The following KCNMB4 variants were observed in gnomAD, a reference collection of about 807,000 sequenced individuals.
KCNMB4 encodes calcium-activated potassium channel subunit beta-4.
KCNMB4 carries 3 observed loss-of-function variants against 20.7 expected under a neutral mutation model. The ratio of observed to expected loss-of-function variants is 0.14; its 90% CI spans 0.07 to 0.37. The LOEUF is 0.37. KCNMB4 is among the 10% of genes least tolerant of loss of function. The pLI is 1.00. For synonymous variants in KCNMB4, 110 were observed against 113.4 expected (o/e 0.97, Z 0.19); for missense variants, 168 against 265.9 (o/e 0.63, Z 2.56).
At chr12:70,368,010 G>C (rs1883526140) in intron 1 of KCNMB4, among the ~76,000 whole-genome samples, 2 of 152,208 alleles carry the variant, frequency 1.3e-5, no homozygotes, top group Admixed American at 6.5e-5. Context: ...ATTGAGCTTT[G>C]TAGTGCACCT....
intron 1 of KCNMB4, among the ~76,000 whole-genome samples, chr12:70,398,407 A>G (rs564653549): frequency 5.9e-5 from 9 of 152,182 alleles, no homozygotes; most frequent in Non-Finnish European, 1.3e-4. Context: ...GCCCTATCTA[A>G]TGGTCTCCAT....
At chr12:70,419,166 C>G (rs1226830378) in intron 2 of KCNMB4, among the ~76,000 whole-genome samples, 1 of 152,130 alleles carries the variant, frequency 6.6e-6, no homozygotes, top group East Asian at 1.9e-4. Context: ...TTAAGGAATT[C>G]TAAAAAAGAA....
chr12:70,378,069 C>CCT (rs1565854331), intron 1 of KCNMB4, among the ~76,000 whole-genome samples: 3 of 151,846 alleles, frequency 2.0e-5, no homozygotes, highest in Non-Finnish European at 2.9e-5. Context: ...CCTGCGTCAG[C>CCT]CTCCTGAGTA....
chr12:70,399,895 A>G (rs1015057247), intron 1 of KCNMB4, among the ~76,000 whole-genome samples: 1 of 152,214 alleles, frequency 6.6e-6, no homozygotes, highest in Non-Finnish European at 1.5e-5. Context: ...GTTGACGGAC[A>G]GGTCACCAAA....
At chr12:70,423,389 A>G (rs1220987334) in intron 2 of KCNMB4, among the ~76,000 whole-genome samples, 3 of 152,210 alleles carry the variant, frequency 2.0e-5, no homozygotes, top group African/African-American at 7.2e-5. Context: ...ATACATCTAT[A>G]ATCAGCCTTT....
chr12:70,388,917 C>A (rs1565857911), intron 1 of KCNMB4, among the ~76,000 whole-genome samples: 1 of 151,222 alleles, frequency 6.6e-6, no homozygotes, highest in Non-Finnish European at 1.5e-5. Flanking sequence ...TACTCCACTG[C>A]TCCAAACCCT....
chr12:70,396,695 C>T (rs921721089), intron 1 of KCNMB4, among the ~76,000 whole-genome samples: 31 of 152,218 alleles, frequency 2.0e-4, no homozygotes, highest in African/African-American at 6.8e-4. Flanking sequence ...ATTAATGCAA[C>T]ACTTGACATA....
At chr12:70,380,322 G>A (rs1883760828) in intron 1 of KCNMB4, among the ~76,000 whole-genome samples, 1 of 152,064 alleles carries the variant, frequency 6.6e-6, no homozygotes, top group Non-Finnish European at 1.5e-5. Context: ...CATCCCCAAA[G>A]CAATTATAAT....
intron 2 of KCNMB4, among the ~76,000 whole-genome samples, chr12:70,417,457 A>G (rs1868940557): frequency 6.6e-6 from 1 of 152,198 alleles, no homozygotes. Context: ...GTTGTTATGC[A>G]CACATTGGGG....
intron 2 of KCNMB4, among the ~76,000 whole-genome samples, chr12:70,403,998 A>G (rs144012115): frequency 6.6e-6 from 1 of 152,402 alleles, no homozygotes; most frequent in African/African-American, 2.4e-5. Context: ...TGCTGAAAGC[A>G]TATGCATATG....
intron 1 of KCNMB4, among the ~76,000 whole-genome samples, chr12:70,393,974 C>A (rs7132442): frequency 0.1 from 15,472 of 152,190 alleles, 1,165 homozygotes; most frequent in African/African-American, 0.21. Flanking sequence ...AGACACAAAT[C>A]AAGTCATCTC....
intron 2 of KCNMB4, among the ~76,000 whole-genome samples, chr12:70,418,953 A>G (rs1397505818): frequency 6.6e-6 from 1 of 152,102 alleles, no homozygotes; most frequent in Non-Finnish European, 1.5e-5. Context: ...AGCTTTGTTA[A>G]TTTGGCTTCA....
Position 70,425,424 on chromosome 12 carries a change from C to T in KCNMB4, c.465-5061C>T, listed in dbSNP as rs139189536. Reference sequence around the variant, plus strand: ...TTGCACTTCAGCCTGGGCGACAGAGCAAGACCCCATCTCAAAAAAACAAAA... The same window carrying T: ...TTGCACTTCAGCCTGGGCGACAGAGTAAGACCCCATCTCAAAAAAACAAAA... On this transcript the variant is annotated intron_variant, in intron 2 of 2. Transcript: ENST00000258111. Among the ~76,000 whole-genome samples the T allele has an allele frequency of 3.5e-3, 533 of 152,152 alleles. 5 individuals are homozygous for T. Among genetic ancestry groups the T allele is most frequent in the African/African-American group, 0.012 (509 of 41,514 alleles).
intron 1 of KCNMB4, among the ~76,000 whole-genome samples, chr12:70,397,151 C>T (rs906521269): frequency 5.3e-5 from 8 of 152,040 alleles, no homozygotes; most frequent in Non-Finnish European, 8.8e-5. Context: ...CCCAGGAGTT[C>T]GAGACCAGCC....
chr12:70,419,746 GGAAATATCAAA>G lies in KCNMB4; in HGVS notation c.465-10736_465-10726del, dbSNP rs1869001848. On this transcript the variant is annotated intron_variant, in intron 2 of 2. Transcript: ENST00000258111. ...ATTTGATAAAAAATAAAGTTGAAAA[GGAAATATCAAA>G]GATGTATTACAAAGACAAAAAGGAT... Among the ~76,000 whole-genome samples the G allele has an allele frequency of 6.6e-5, 10 of 152,108 alleles. 1 individual carries two copies. The South Asian group carries it at 2.1e-3, about 32-fold the overall frequency.
intron 1 of KCNMB4, among the ~76,000 whole-genome samples, chr12:70,372,301 G>A (rs1209592957): frequency 6.6e-6 from 1 of 152,188 alleles, no homozygotes; most frequent in African/African-American, 2.4e-5. Context: ...AAGCGGGGCT[G>A]AAATATCATC....
intron 1 of KCNMB4, among the ~76,000 whole-genome samples, chr12:70,397,497 T>A (rs949949622): frequency 1.3e-5 from 2 of 152,188 alleles, no homozygotes; most frequent in Non-Finnish European, 2.9e-5. Flanking sequence ...TTTTCTCCAA[T>A]GTAAAAAAGT....
chr12:70,387,548 G>A (rs1030914823), intron 1 of KCNMB4, among the ~76,000 whole-genome samples: 46 of 151,772 alleles, frequency 3.0e-4, no homozygotes, highest in African/African-American at 9.7e-4. Flanking sequence ...GATTACAGGC[G>A]TGCACCACCA....
At chr12:70,387,636 A>G (rs79842959) in intron 1 of KCNMB4, among the ~76,000 whole-genome samples, 6,553 of 151,800 alleles carry the variant, frequency 0.043, 445 homozygotes, top group East Asian at 0.33. Flanking sequence ...TCCTGACCTC[A>G]AGTCAGCCAC....
Sources: allele counts gnomAD v4.1 joint callset (sites outside exome capture counted in the v4.1 genomes callset), GRCh38; gene constraint gnomAD v4.1.1; transcripts MANE v1.5; gene names NCBI Gene and HGNC (gene_info 2026-07-23, HGNC 2026-07-21).